The following LAMC1 variants were observed in gnomAD, a reference collection of about 807,000 sequenced individuals.
The protein encoded by LAMC1 is laminin subunit gamma-1.
In LAMC1, 38 loss-of-function variants were observed where a neutral mutation model predicts 173.6. That is an observed-to-expected ratio of 0.22 (90% CI 0.17 to 0.29). LAMC1 has a LOEUF of 0.29. Among genes scored for constraint, LAMC1 ranks in the 10% least tolerant of loss-of-function variants. LAMC1 has a pLI of 1.00. For missense variants in LAMC1, 1,824 were observed against 2,051.8 expected (o/e 0.89, Z 2.14); for synonymous variants, 746 against 749.1 (o/e 1.00, Z 0.07).
At chr1:183,051,728 C>G (rs1654432796) in intron 1 of LAMC1, among the ~76,000 whole-genome samples, 1 of 152,182 alleles carries the variant, frequency 6.6e-6, no homozygotes, top group Non-Finnish European at 1.5e-5. Flanking sequence ...TTACACTTTT[C>G]TTTGGCTTTA....
intron 1 of LAMC1, among the ~76,000 whole-genome samples, chr1:183,064,286 G>C (rs946952957): frequency 6.6e-6 from 1 of 152,138 alleles, no homozygotes; most frequent in African/African-American, 2.4e-5. Flanking sequence ...GGTGAACTTA[G>C]ACAAACTTCG....
rs769736763 is a variant in LAMC1 at position 183,142,877 on chromosome 1, C to G, written c.*87C>G. On this transcript the variant is annotated 3_prime_UTR_variant, in exon 28 of 28. Coordinates refer to ENST00000258341, the MANE Select transcript of LAMC1 (RefSeq NM_002293.4). ...GCCTTGACACAAAGATTACATTTTT[C>G]AGACCCCCACTCCTCTGCTGCTGTC... is the stretch of plus-strand genomic sequence containing the variant. 3.0e-6 allele frequency: 4 copies of G among 1,347,520 alleles called. No homozygotes were observed. The highest frequency in any genetic ancestry group is 4.1e-6 in the Non-Finnish European group (4 of 979,638). 83.5% of individuals were successfully genotyped at this position (1,347,520 alleles called of 1,614,324 possible).
At chr1:183,043,248 A>G (rs969659183) in intron 1 of LAMC1, among the ~76,000 whole-genome samples, 3 of 152,084 alleles carry the variant, frequency 2.0e-5, no homozygotes, top group African/African-American at 4.8e-5. Context: ...TCTCCAAGCA[A>G]TTGAATATAT....
At chr1:183,088,302 ATATT>A (rs1391301748) in intron 1 of LAMC1, among the ~76,000 whole-genome samples, 1 of 152,198 alleles carries the variant, frequency 6.6e-6, no homozygotes, top group Non-Finnish European at 1.5e-5. Flanking sequence ...CTGTAAATAA[ATATT>A]TATTGAGCAC....
chr1:183,029,693 T>C (rs1653799429), intron 1 of LAMC1, among the ~76,000 whole-genome samples: 1 of 152,180 alleles, frequency 6.6e-6, no homozygotes, highest in African/African-American at 2.4e-5. Context: ...CGCCACCCTG[T>C]AGGTATTTAT....
intron 1 of LAMC1, among the ~76,000 whole-genome samples, chr1:183,085,944 G>A (rs1219242599): frequency 6.6e-6 from 1 of 151,782 alleles, no homozygotes; most frequent in Non-Finnish European, 1.5e-5. Context: ...CTTATCACTG[G>A]ACATTTAAGA....
chr1:183,128,470 T>TA (rs59134708), intron 17 of LAMC1, 124 bp from the exon 18 acceptor site: 4,503 of 612,316 alleles, frequency 7.4e-3, no homozygotes, highest in Middle Eastern at 0.012. Context: ...TAATAATAAT[T>TA]AAAAAAAAAA....
At chr1:183,066,596 A>G (rs962679688) in intron 1 of LAMC1, among the ~76,000 whole-genome samples, 1 of 152,248 alleles carries the variant, frequency 6.6e-6, no homozygotes, top group Non-Finnish European at 1.5e-5. Flanking sequence ...GAAATGTGGC[A>G]CATAAACACC....
intron 1 of LAMC1, among the ~76,000 whole-genome samples, chr1:183,082,760 T>C (rs1398104822): frequency 6.6e-6 from 1 of 152,254 alleles, no homozygotes; most frequent in African/African-American, 2.4e-5. Flanking sequence ...GATGTCTTAA[T>C]TGGGGGTTTA....
chr1:183,124,904 A>G, intron 14 of LAMC1, 28 bp downstream of exon 14: 3 of 1,609,182 alleles, frequency 1.9e-6, no homozygotes, highest in Non-Finnish European at 2.6e-6. Flanking sequence ...AGATTCTGTC[A>G]CAGCTAAATG....
Position 183,142,683 on chromosome 1 carries a change from T to C in LAMC1, c.4723T>C (p.Tyr1575His), listed in dbSNP as rs956594768. Reference protein sequence around the residue: ...AKKQEAAIMDYNRDIEEIMKD... With the variant: ...AKKQEAAIMDHNRDIEEIMKD... ...GAAGCAGGAGGCTGCCATCATGGAC[T>C]ATAACCGAGATATCGAGGAGATCAT... Residue 1575 changes from tyrosine to histidine, a missense_variant, in exon 28 of 28, where the codon TAT (tyrosine) becomes CAT (histidine). Coordinates refer to ENST00000258341, the MANE Select transcript of LAMC1 (RefSeq NM_002293.4). The C allele has an allele frequency of 1.2e-6, 2 of 1,613,970 alleles. No individual in the cohort carries two copies. The highest frequency in any genetic ancestry group is 1.3e-5 in the African/African-American group (1 of 74,918).
intron 1 of LAMC1, among the ~76,000 whole-genome samples, chr1:183,032,304 T>A (rs1240468766): frequency 6.6e-6 from 1 of 152,204 alleles, no homozygotes; most frequent in Non-Finnish European, 1.5e-5. Context: ...GGCTGGGAAA[T>A]GAATAAGGGG....
At chr1:183,091,323 C>T (rs920804842) in intron 1 of LAMC1, among the ~76,000 whole-genome samples, 8 of 152,240 alleles carry the variant, frequency 5.3e-5, no homozygotes, top group African/African-American at 1.9e-4. Context: ...TGCAGGGTCT[C>T]CACAATTGCC....
chr1:183,098,906 T>C (rs1331774603), intron 1 of LAMC1, among the ~76,000 whole-genome samples: 2 of 152,184 alleles, frequency 1.3e-5, no homozygotes, highest in African/African-American at 4.8e-5. Flanking sequence ...CTGACTCAAA[T>C]ACAACAGCAT....
chr1:183,117,943 G>A, intron 10 of LAMC1, 91 bp from the exon 11 acceptor site: 1 of 817,352 alleles, frequency 1.2e-6, no homozygotes, highest in Non-Finnish European at 2.0e-6. Context: ...TTAGAGCATT[G>A]CATTGTTGGG....
Position 183,122,109 on chromosome 1 carries a change from G to C in LAMC1, c.2259G>C (p.Lys753Asn), listed in dbSNP as rs1194538455. ...RDNTAGPHCE[K>N]CSDGYYGDST... ...ATACGGCTGGCCCGCACTGTGAGAA[G>C]TGCAGTGATGGGTACTATGGAGATT... Residue 753 changes from lysine (K) to asparagine (N), a missense_variant, in exon 13 of 28, where the codon AAG (lysine) becomes AAC (asparagine). By Grantham distance (94) the Lys-to-Asn change is moderately conservative. Coordinates refer to ENST00000258341, the MANE Select transcript of LAMC1 (RefSeq NM_002293.4). The C allele has an allele frequency of 1.2e-6, 2 of 1,614,198 alleles. No homozygotes were observed. The highest frequency in any genetic ancestry group is 1.7e-5 in the Admixed American group (1 of 60,032).
intron 4 of LAMC1, 32 bp from the exon 5 acceptor site, chr1:183,114,499 A>G: frequency 6.2e-7 from 1 of 1,610,790 alleles, no homozygotes; most frequent in Non-Finnish European, 8.5e-7. Context: ...AGGTACCCAG[A>G]TCTGATGTAA....
chr1:183,119,964 T>C (rs761879610), intron 11 of LAMC1, among the ~76,000 whole-genome samples: 1 of 151,434 alleles, frequency 6.6e-6, no homozygotes, highest in Non-Finnish European at 1.5e-5. Flanking sequence ...TGAGGCTAGG[T>C]GTTCAAGAGC....
At chr1:183,052,241 C>G (rs1464957341) in intron 1 of LAMC1, among the ~76,000 whole-genome samples, 1 of 152,146 alleles carries the variant, frequency 6.6e-6, no homozygotes, top group Non-Finnish European at 1.5e-5. Flanking sequence ...TTCACAATTA[C>G]CCTACTTTCC....
Sources: allele counts gnomAD v4.1 joint callset (sites outside exome capture counted in the v4.1 genomes callset), GRCh38; gene constraint gnomAD v4.1.1; transcripts MANE v1.5; gene names NCBI Gene and HGNC (gene_info 2026-07-23, HGNC 2026-07-21).